Variants in SEC24D observed in about 807,000 individuals in gnomAD.
SEC24D encodes protein transport protein Sec24D.
A neutral mutation model predicts 116.9 loss-of-function variants in SEC24D; 69 were observed. The ratio of observed to expected loss-of-function variants is 0.59; its 90% CI spans 0.49 to 0.72. SEC24D has a LOEUF of 0.72. SEC24D is among the 30% of genes least tolerant of loss of function. The pLI is 0.00. For missense variants in SEC24D, 1,131 were observed against 1,264.1 expected (o/e 0.89, Z 1.60); for synonymous variants, 405 against 442.8 (o/e 0.91, Z 1.07).
chr4:118,805,272 G>A (rs78820554), intron 7 of SEC24D, among the ~76,000 whole-genome samples: 238 of 152,168 alleles, frequency 1.6e-3, no homozygotes, highest in African/African-American at 5.0e-3. Context: ...CCATTAAAAT[G>A]GTATATTCAG....
rs530458752 is a variant in SEC24D at position 118,820,854 on chromosome 4, G to A, written c.249-3442C>T. On this transcript the variant is annotated intron_variant, in intron 3 of 22. Coordinates refer to ENST00000280551, the MANE Select transcript of SEC24D (RefSeq NM_014822.4). Reference sequence around the variant, plus strand: ...ACATTTCACTGAATGTCAGAGAAGGGCAGATTCACCATAGGAAAGAATTCA... The same window carrying A: ...ACATTTCACTGAATGTCAGAGAAGGACAGATTCACCATAGGAAAGAATTCA... Among the ~76,000 whole-genome samples the A allele has an allele frequency of 4.6e-5, 7 of 152,144 alleles. No individual in the cohort carries two copies. The East Asian group carries it at 1.2e-3, about 25-fold the overall frequency.
intron 7 of SEC24D, among the ~76,000 whole-genome samples, chr4:118,800,999 C>G (rs138190747): frequency 6.6e-6 from 1 of 152,100 alleles, no homozygotes; most frequent in African/African-American, 2.4e-5. Flanking sequence ...CGGTGGCTCA[C>G]GCCTGTAATC....
chr4:118,761,756 T>G (rs2110467176), intron 10 of SEC24D, among the ~76,000 whole-genome samples: 1 of 152,318 alleles, frequency 6.6e-6, no homozygotes, highest in South Asian at 2.1e-4. Flanking sequence ...CTGAGTAAAT[T>G]GTCAATAAGT....
At chr4:118,815,821 A>G in intron 4 of SEC24D, 95 bp from the exon 5 acceptor site, 1 of 1,362,492 alleles carries the variant, frequency 7.3e-7, no homozygotes, top group Non-Finnish European at 1.0e-6. Flanking sequence ...TTTTCCTGAC[A>G]TAAAGCAAGA....
At chr4:118,767,737 T>G (rs894030645) in intron 9 of SEC24D, among the ~76,000 whole-genome samples, 2 of 152,132 alleles carry the variant, frequency 1.3e-5, no homozygotes, top group Non-Finnish European at 2.9e-5. Flanking sequence ...AAAATCTATA[T>G]AAGTGTTAAA....
intron 12 of SEC24D, among the ~76,000 whole-genome samples, chr4:118,752,359 G>A (rs915879609): frequency 1.3e-5 from 2 of 152,130 alleles, no homozygotes; most frequent in Non-Finnish European, 2.9e-5. Flanking sequence ...TCTTGGAACA[G>A]TGGCTACATC....
intron 3 of SEC24D, among the ~76,000 whole-genome samples, chr4:118,819,652 T>C (rs373351524): frequency 6.6e-6 from 1 of 152,036 alleles, no homozygotes; most frequent in East Asian, 1.9e-4. Context: ...GTTACAGATG[T>C]TGGATTTGAT....
At chr4:118,743,617 A>G (rs1423894760) in intron 15 of SEC24D, among the ~76,000 whole-genome samples, 1 of 151,836 alleles carries the variant, frequency 6.6e-6, no homozygotes, top group East Asian at 1.9e-4. Context: ...TCCCACCTCA[A>G]CCTCTCAAAG....
chr4:118,730,255 T>C (rs968734442), intron 21 of SEC24D: 1 of 152,186 alleles, frequency 6.6e-6, no homozygotes, highest in African/African-American at 2.4e-5. Context: ...TTAAATTGCA[T>C]TTATAATCAT....
chr4:118,831,610 T>C (rs1730860966), intron 2 of SEC24D, among the ~76,000 whole-genome samples: 1 of 152,008 alleles, frequency 6.6e-6, no homozygotes, highest in African/African-American at 2.4e-5. Context: ...TGAGATTTTT[T>C]TGATTTTTTT....
chr4:118,808,999 A>AGT (rs1333799364), intron 6 of SEC24D, among the ~76,000 whole-genome samples: 1 of 149,442 alleles, frequency 6.7e-6, no homozygotes, highest in Middle Eastern at 3.4e-3. Context: ...TTTGAGACAG[A>AGT]GTCTTGCTCT....
chr4:118,811,833 A>G (rs986620120), intron 6 of SEC24D, among the ~76,000 whole-genome samples: 1 of 152,260 alleles, frequency 6.6e-6, no homozygotes, highest in Admixed American at 6.5e-5. Context: ...ACAGCAGTAT[A>G]CAGTATTACA....
At chr4:118,756,722 C>G (rs1323581194) in intron 11 of SEC24D, among the ~76,000 whole-genome samples, 1 of 152,150 alleles carries the variant, frequency 6.6e-6, no homozygotes, top group Non-Finnish European at 1.5e-5. Flanking sequence ...GTTCATATTT[C>G]CTCGCATGAG....
rs1172218096 is a variant in SEC24D at position 118,731,455 on chromosome 4, T to G, written c.2729A>C (p.Glu910Ala). The G allele has an allele frequency of 1.9e-6, 3 of 1,614,036 alleles. No individual in the cohort carries two copies. Among genetic ancestry groups the G allele is most frequent in the Admixed American group, 3.3e-5 (2 of 60,002 alleles). Residue 910 changes from glutamate (E) to alanine (A), a missense_variant, in exon 21 of 23, where the codon GAG becomes GCG. Transcript: ENST00000280551. ...TATTCCTTCTTCTGAAAGACGGGACTCAGAGCAACGAACGGCAGCAGGTAA... is the reference window on the plus strand; with the variant it reads ...TATTCCTTCTTCTGAAAGACGGGACGCAGAGCAACGAACGGCAGCAGGTAA... ...TMLPAAVRCS[E>A]SRLSEEGIFL... is the part of the protein sequence containing the mutation.
At chr4:118,788,225 T>C (rs1183975342) in intron 8 of SEC24D, among the ~76,000 whole-genome samples, 1 of 152,262 alleles carries the variant, frequency 6.6e-6, no homozygotes, top group East Asian at 1.9e-4. Context: ...TTCACATTAA[T>C]TTCTAATAAC....
chr4:118,784,451 T>C (rs1171880678), intron 8 of SEC24D, among the ~76,000 whole-genome samples: 2 of 152,184 alleles, frequency 1.3e-5, no homozygotes, highest in South Asian at 2.1e-4. Flanking sequence ...CAAGGAAGTA[T>C]GGGATGTAGT....
At chr4:118,786,380 C>A (rs933520285) in intron 8 of SEC24D, among the ~76,000 whole-genome samples, 1 of 152,032 alleles carries the variant, frequency 6.6e-6, no homozygotes, top group East Asian at 1.9e-4. Context: ...AACTTGATTT[C>A]TATGAAGCTT....
In SEC24D at chr4:118,728,634, A is replaced by C; in HGVS notation, c.2885T>G (p.Val962Gly). 1.1e-5 allele frequency: 17 copies of C among 1,606,978 alleles called. No homozygotes were observed. Among genetic ancestry groups the C allele is most frequent in the Non-Finnish European group, 1.4e-5 (17 of 1,174,520 alleles). Residue 962 changes from valine (V) to glycine (G), a missense_variant, in exon 22 of 23, where the codon GTG becomes GGG. Physicochemically the swap from Val to Gly is moderately radical, Grantham distance 109. Transcript: ENST00000280551. ...INTDMTLLPEVGNPYSQQLRM... is the reference protein window; with the variant it reads ...INTDMTLLPEGGNPYSQQLRM... ...GAGTTGTTGAGAGTATGGGTTTCCC[A>C]CTTCAGGCAGCAATGTCTTAGATTT... is the stretch of plus-strand genomic sequence containing the variant.
At chr4:118,801,492 G>T (rs560454553) in intron 7 of SEC24D, among the ~76,000 whole-genome samples, 44 of 152,240 alleles carry the variant, frequency 2.9e-4, no homozygotes, top group African/African-American at 9.6e-4. Context: ...ATTAATATAT[G>T]TAAGTATGCT....
Sources: gnomAD v4.1 joint callset for allele counts (sites outside exome capture counted in the v4.1 genomes callset) on GRCh38, gnomAD v4.1.1 for gene constraint, MANE v1.5 for transcripts, NCBI Gene and HGNC (gene_info 2026-07-23, HGNC 2026-07-21) for gene names.